NUP98: variants seen among roughly 807,000 people sequenced by gnomAD.
NUP98 encodes the protein nuclear pore complex protein Nup98-Nup96.
A neutral mutation model predicts 191.9 loss-of-function variants in NUP98; 26 were observed. The ratio of observed to expected loss-of-function variants is 0.14; its 90% CI spans 0.10 to 0.19. The LOEUF (loss-of-function observed/expected upper bound fraction) is 0.19. NUP98 is among the 10% of genes least tolerant of loss of function. The pLI is 1.00. For synonymous variants in NUP98, 808 were observed against 778.4 expected (o/e 1.04, Z -0.63); for missense variants, 1,941 against 2,178.8 (o/e 0.89, Z 2.17).
At chr11:3,680,707 G>A (rs746504335) in intron 30 of NUP98, among the ~76,000 whole-genome samples, 2 of 151,884 alleles carry the variant, frequency 1.3e-5, no homozygotes, top group Admixed American at 6.6e-5. Context: ...CACCAGGCCC[G>A]ACTAATTTTT....
intron 25 of NUP98, among the ~76,000 whole-genome samples, chr11:3,696,317 CATG>C (rs2078503327): frequency 6.6e-6 from 1 of 152,182 alleles, no homozygotes; most frequent in East Asian, 1.9e-4. Context: ...ACCTCGCCAA[CATG>C]ATGAAACTTT....
rs1554888569 is a variant in NUP98 at position 3,702,482 on chromosome 11, T to G, written c.3493A>C (p.Asn1165His). ...ADSMEFGFLP[N>H]PVAVKPLTES... ...ACTCACGGTTTAACAGCTACTGGAT[T>G]GGGCAGGAATCCAAACTCCATGGAA... Residue 1165 changes from asparagine (N) to histidine (H), a missense_variant, in exon 23 of 33, where the codon AAT (asparagine) becomes CAT (histidine). Asn to His is a moderately conservative substitution (Grantham distance 68). Coordinates refer to ENST00000324932, the MANE Select transcript of NUP98 (RefSeq NM_016320.5). 4 of 1,613,838 alleles carry G rather than the reference T, an allele frequency of 2.5e-6. No individual in the cohort carries two copies.
At chr11:3,796,250 C>A (rs1321755071) in intron 1 of NUP98, among the ~76,000 whole-genome samples, 1 of 152,178 alleles carries the variant, frequency 6.6e-6, no homozygotes, top group Non-Finnish European at 1.5e-5. Flanking sequence ...CTGAAAGGAG[C>A]CATGAGTTCC....
intron 1 of NUP98, among the ~76,000 whole-genome samples, chr11:3,789,689 T>C (rs2082270874): frequency 6.6e-6 from 1 of 152,008 alleles, no homozygotes; most frequent in South Asian, 2.1e-4. Flanking sequence ...CAGGCTGGTC[T>C]CTAACTCCTG....
At chr11:3,760,745 T>G (rs2081135962) in intron 9 of NUP98, 119 bp from the exon 10 acceptor site, 2 of 675,412 alleles carry the variant, frequency 3.0e-6, no homozygotes, top group Admixed American at 6.1e-5. Context: ...GTCCTAACAT[T>G]CATAAAAAAG....
rs767178162 is a variant in NUP98 at position 3,771,845 on chromosome 11, C to T, written c.687G>A (p.Gly229=). Residue 229 remains glycine (G), a synonymous_variant, in exon 7 of 33, where the codon GGG becomes GGA. Transcript: ENST00000324932. ...TTGCGCTGGAAGTGGCTGGAGAAGA[C>T]CCAAACAAGCCAGTTGTGGTACCTG... is the stretch of plus-strand genomic sequence containing the variant. ...VGAGTTTGLF[G]SSPATSSATG... is the part of the protein sequence containing the mutation. 1.2e-6 allele frequency: 2 copies of T among 1,614,068 alleles called. No homozygotes were observed. The highest frequency in any genetic ancestry group is 2.2e-5 in the South Asian group (2 of 91,080).
In NUP98 at chr11:3,675,688, T is replaced by C. The variant is rs768443580; in HGVS notation, c.*471A>G. Reference sequence around the variant, plus strand: ...ATTCAGTGTTAACTAACCAATTACTTAAGAGACGGATCCCTCTTCCTTCTG... The same window carrying C: ...ATTCAGTGTTAACTAACCAATTACTCAAGAGACGGATCCCTCTTCCTTCTG... On this transcript the variant is annotated 3_prime_UTR_variant, in exon 33 of 33. Coordinates refer to ENST00000324932, the MANE Select transcript of NUP98 (RefSeq NM_016320.5). 8.1e-5 allele frequency: 20 copies of C among 246,072 alleles called. No homozygotes were observed. The highest frequency in any genetic ancestry group is 1.5e-4 in the Non-Finnish European group (19 of 124,412). 15.2% of individuals were successfully genotyped at this position (246,072 alleles called of 1,614,324 possible).
At chr11:3,793,638 G>A (rs1285436244) in intron 1 of NUP98, among the ~76,000 whole-genome samples, 1 of 151,768 alleles carries the variant, frequency 6.6e-6, no homozygotes, top group Non-Finnish European at 1.5e-5. Context: ...AAAACTGCAA[G>A]TATTTCCCAT....
At chr11:3,740,202 A>T (rs1438275301) in intron 12 of NUP98, among the ~76,000 whole-genome samples, 1 of 152,036 alleles carries the variant, frequency 6.6e-6, no homozygotes, top group African/African-American at 2.4e-5. Flanking sequence ...TGAAAACAGG[A>T]AGAGGAAAGA....
At chr11:3,784,546 A>C (rs1456075336) in intron 1 of NUP98, among the ~76,000 whole-genome samples, 1 of 151,118 alleles carries the variant, frequency 6.6e-6, no homozygotes, top group African/African-American at 2.4e-5. Flanking sequence ...AAGCCAGACA[A>C]GCTTGGACAA....
chr11:3,796,340 T>G (rs1300234352), intron 1 of NUP98, among the ~76,000 whole-genome samples: 1 of 152,188 alleles, frequency 6.6e-6, no homozygotes, highest in Non-Finnish European at 1.5e-5. Context: ...TCCAGTACTG[T>G]TATAAATCCC....
chr11:3,797,440 C>G lies in NUP98; in HGVS notation c.-69G>C, dbSNP rs1355159471. The G allele has an allele frequency of 4.8e-6, 2 of 414,332 alleles. No homozygotes were observed. Among genetic ancestry groups the G allele is most frequent in the African/African-American group, 2.1e-5 (1 of 48,682 alleles). 25.7% of individuals were successfully genotyped at this position (414,332 alleles called of 1,614,324 possible). ...AAGGGGAAGTGTCAGGAGTCCCCTG[C>G]TGCCACCCGCCGCTCACAGAGCAGC... On this transcript the variant is annotated 5_prime_UTR_variant, in exon 1 of 33. Transcript: ENST00000324932.
intron 12 of NUP98, among the ~76,000 whole-genome samples, chr11:3,737,291 G>T (rs903040194): frequency 5.3e-5 from 8 of 150,946 alleles, no homozygotes; most frequent in African/African-American, 1.7e-4. Context: ...AATGTTGTGG[G>T]GAGTGGGTGG....
intron 4 of NUP98, among the ~76,000 whole-genome samples, chr11:3,778,056 G>C (rs567823749): frequency 1.3e-5 from 2 of 151,296 alleles, no homozygotes; most frequent in African/African-American, 4.9e-5. Flanking sequence ...AAAATTAGCC[G>C]GGCATGGTGG....
At chr11:3,771,962 C>A (rs767219212) in intron 6 of NUP98, 34 bp from the exon 7 acceptor site, 9 of 1,571,424 alleles carry the variant, frequency 5.7e-6, no homozygotes, top group Non-Finnish European at 7.0e-6. Flanking sequence ...CTAATCTTAA[C>A]ATGCAGCTAA....
intron 12 of NUP98, among the ~76,000 whole-genome samples, chr11:3,735,665 T>C (rs950020242): frequency 2.0e-5 from 3 of 151,960 alleles, no homozygotes; most frequent in African/African-American, 7.3e-5. Flanking sequence ...AATAGCTGCA[T>C]AAAAAGCCAT....
intron 1 of NUP98, among the ~76,000 whole-genome samples, chr11:3,792,210 C>G (rs74607720): frequency 1.2e-5 from 1 of 86,166 alleles, no homozygotes; most frequent in Non-Finnish European, 2.4e-5. Flanking sequence ...AAAAAAAAAA[C>G]ATGTATTCAC....
intron 1 of NUP98, among the ~76,000 whole-genome samples, chr11:3,784,765 C>T (rs560216103): frequency 3.2e-4 from 48 of 151,366 alleles, no homozygotes; most frequent in Non-Finnish European, 4.7e-4. Context: ...CCCCAGGCTC[C>T]ATTCTAGAAA....
At position 3,676,036 on chromosome 11, in the gene NUP98, C is replaced by G; in HGVS notation, c.*123G>C. The G allele has an allele frequency of 2.4e-6, 2 of 831,362 alleles. No individual in the cohort carries two copies. Among genetic ancestry groups the G allele is most frequent in the Non-Finnish European group, 3.8e-6 (2 of 521,900 alleles). 51.5% of individuals were successfully genotyped at this position (831,362 alleles called of 1,614,324 possible). ...AAGTGGAGGATGCTGCTTCTGGCAGCAGGGAGGGAGGGTAGATGCCACAGC... is the reference window on the plus strand; with the variant it reads ...AAGTGGAGGATGCTGCTTCTGGCAGGAGGGAGGGAGGGTAGATGCCACAGC... On this transcript the variant is annotated 3_prime_UTR_variant, in exon 33 of 33. Coordinates refer to ENST00000324932, the MANE Select transcript of NUP98 (RefSeq NM_016320.5).
Sources: gnomAD v4.1 joint callset for allele counts (sites outside exome capture counted in the v4.1 genomes callset) on GRCh38, gnomAD v4.1.1 for gene constraint, MANE v1.5 for transcripts, NCBI Gene and HGNC (gene_info 2026-07-23, HGNC 2026-07-21) for gene names.